Variants in ITK observed in about 807,000 individuals in gnomAD.
ITK encodes IL2 inducible T cell kinase.
Under a neutral mutation model 87.6 loss-of-function variants are expected in ITK, and 45 were observed. The observed-to-expected ratio is 0.51, with a 90% confidence interval of 0.40 to 0.66. The LOEUF (loss-of-function observed/expected upper bound fraction) is 0.66. Among genes scored for constraint, ITK ranks in the 30% least tolerant of loss-of-function variants. ITK has a pLI of 0.00. For missense variants in ITK, 605 were observed against 766.3 expected (o/e 0.79, Z 2.48); for synonymous variants, 303 against 273.6 (o/e 1.11, Z -1.06).
rs1032893140 is a variant in ITK, at chr5:157,190,003, G to A, written c.138+8888G>A. ...AGGCCTCACTAAAAGTGATCCTAAG[G>A]AGAAAACAGGTCTGTAATGCCTTCC... On this transcript the variant is annotated intron_variant, in intron 1 of 16. Coordinates refer to ENST00000422843, the MANE Select transcript of ITK (RefSeq NM_005546.4). Among the ~76,000 whole-genome samples the A allele has an allele frequency of 9.8e-5, 15 of 152,294 alleles. No individual in the cohort carries two copies. The South Asian group carries it at 2.1e-3, about 21-fold the overall frequency.
At chr5:157,219,182 G>T (rs952447680) in intron 5 of ITK, among the ~76,000 whole-genome samples, 1 of 148,788 alleles carries the variant, frequency 6.7e-6, no homozygotes, top group Non-Finnish European at 1.5e-5. Flanking sequence ...GCGTGATCTC[G>T]GCTCACTGCA....
intron 4 of ITK, 74 bp from the exon 5 acceptor site, chr5:157,217,793 C>A: frequency 1.5e-6 from 2 of 1,361,610 alleles, no homozygotes; most frequent in Non-Finnish European, 2.1e-6. Flanking sequence ...AGAAAAACCC[C>A]CTGGCTGCTC....
In ITK at chr5:157,211,330, G is replaced by A. The variant is rs751865122; in HGVS notation, c.287G>A (p.Arg96His). Residue 96 changes from arginine to histidine, a missense_variant, in exon 3 of 17, where the codon CGT becomes CAT. By Grantham distance (29) the Arg-to-His change is conservative. Coordinates refer to ENST00000422843, the MANE Select transcript of ITK (RefSeq NM_005546.4). ...CTCCTATATGTGTTTGCTCCAGATC[G>A]TGAGAGCCGGCAGCGCTGGGTGCTG... The part of the protein sequence containing the change: ...NYLLYVFAPD[R>H]ESRQRWVLAL... 27 of 1,613,974 alleles carry A rather than the reference G, an allele frequency of 1.7e-5. No homozygotes were observed. The highest frequency in any genetic ancestry group is 4.5e-5 in the East Asian group (2 of 44,898).
At chr5:157,243,876 G>T in intron 12 of ITK, 82 bp downstream of exon 12, 1 of 1,325,304 alleles carries the variant, frequency 7.5e-7, no homozygotes, top group African/African-American at 1.4e-5. Flanking sequence ...CAAACGCCAG[G>T]GGGTACTATC....
chr5:157,247,839 T>A (rs1363789771), intron 15 of ITK, among the ~76,000 whole-genome samples: 1 of 152,260 alleles, frequency 6.6e-6, no homozygotes, highest in Non-Finnish European at 1.5e-5. Flanking sequence ...AACCTCTTTG[T>A]ACTTTGCTCA....
At chr5:157,242,744 C>A (rs1231571647) in intron 11 of ITK, among the ~76,000 whole-genome samples, 3 of 152,224 alleles carry the variant, frequency 2.0e-5, no homozygotes, top group Non-Finnish European at 4.4e-5. Flanking sequence ...CAGGCATGAG[C>A]CACTGTGCCC....
chr5:157,207,263 C>G (rs1271667783), intron 1 of ITK, among the ~76,000 whole-genome samples: 1 of 151,602 alleles, frequency 6.6e-6, no homozygotes, highest in African/African-American at 2.4e-5. Flanking sequence ...TCCACCAACA[C>G]TGAGGGCAGA....
In ITK at chr5:157,238,720, T is replaced by C. The variant is rs367922805; in HGVS notation, c.851+529T>C. Among the ~76,000 whole-genome samples, 56 of 152,360 alleles carry C rather than the reference T, an allele frequency of 3.7e-4. 2 individuals are homozygous for C. The South Asian group carries it at 0.012, about 32-fold the overall frequency. Reference sequence around the variant, plus strand: ...TGGTGCCTCCCTATGGCCGTGGGTCTGAAGGGGCCAAGCCACATCCAGGCT... The same window carrying C: ...TGGTGCCTCCCTATGGCCGTGGGTCCGAAGGGGCCAAGCCACATCCAGGCT... On this transcript the variant is annotated intron_variant, in intron 9 of 16. Coordinates refer to ENST00000422843, the MANE Select transcript of ITK (RefSeq NM_005546.4).
chr5:157,240,451 G>A, intron 10 of ITK: 1 of 534,244 alleles, frequency 1.9e-6, no homozygotes, highest in Non-Finnish European at 3.4e-6. Context: ...TGGATAAACT[G>A]TCTTCCACAA....
At chr5:157,237,377 A>C (rs757782747) in intron 8 of ITK, among the ~76,000 whole-genome samples, 1 of 152,218 alleles carries the variant, frequency 6.6e-6, no homozygotes, top group African/African-American at 2.4e-5. Context: ...GGGGACTCCA[A>C]AAGTTGGAAG....
Position 157,199,043 on chromosome 5 carries a change from G to A in ITK, c.139-9846G>A, listed in dbSNP as rs34298379. ...GCCTCCCAAAGTGTTGGGATTATAG[G>A]CATGAGCCATTGCTACTAGCATTTG... On this transcript the variant is annotated intron_variant, in intron 1 of 16. Coordinates refer to ENST00000422843, the MANE Select transcript of ITK (RefSeq NM_005546.4). Among the ~76,000 whole-genome samples, 595 of 152,228 alleles carry A rather than the reference G, an allele frequency of 3.9e-3. 2 individuals carry two copies. Among genetic ancestry groups the A allele is most frequent in the Non-Finnish European group, 6.4e-3 (432 of 68,020 alleles).
chr5:157,201,202 C>T (rs1753965406), intron 1 of ITK, among the ~76,000 whole-genome samples: 2 of 150,598 alleles, frequency 1.3e-5, no homozygotes, highest in African/African-American at 4.9e-5. Context: ...TTGAGTCTTG[C>T]AAAAAGTCAT....
chr5:157,215,963 G>C (rs152116), intron 4 of ITK, among the ~76,000 whole-genome samples: 107,753 of 152,104 alleles, frequency 0.71, 38,720 homozygotes, highest in East Asian at 0.98. Context: ...AATGCCAGTG[G>C]GGGAGGACTG....
intron 13 of ITK, 35 bp from the exon 14 acceptor site, chr5:157,245,691 T>C (rs772816123): frequency 1.3e-6 from 2 of 1,586,100 alleles, no homozygotes; most frequent in Admixed American, 3.3e-5. Context: ...TCAACAGTTT[T>C]CCTCTCCGCC....
rs1299073725 is a variant in ITK, at chr5:157,227,092, T to C, written c.648-1204T>C. On this transcript the variant is annotated intron_variant, in intron 6 of 16. Coordinates refer to ENST00000422843, the MANE Select transcript of ITK (RefSeq NM_005546.4). ...ACCTCAGCCTCCCAAAGTACTAGGA[T>C]TACAGGTGTGAGCCACCACACCCAG... 2.0e-5 allele frequency among the ~76,000 whole-genome samples: 3 copies of C among 152,196 alleles called. No homozygotes were observed. The East Asian group carries it at 5.8e-4, about 29-fold the overall frequency.
rs946228995 is a variant in ITK, at chr5:157,194,579, C to T, written c.138+13464C>T. Among the ~76,000 whole-genome samples, 62 of 152,142 alleles carry T rather than the reference C, an allele frequency of 4.1e-4. 1 individual carries two copies. The highest frequency in any genetic ancestry group is 1.5e-5 in the Non-Finnish European group (1 of 68,016). ...GCTAATACCAAACCTCACCCTTTTC[C>T]ACAATCCATGCTGAGGCCATTTCCA... On this transcript the variant is annotated intron_variant, in intron 1 of 16. Transcript: ENST00000422843.
rs746957400 is a variant in ITK at position 157,253,363 on chromosome 5, G to C, written c.*685G>C. 7 of 233,262 alleles carry C rather than the reference G, an allele frequency of 3.0e-5. No homozygotes were observed. The highest frequency in any genetic ancestry group is 1.0e-4 in the Admixed American group (2 of 19,394). The allele number at this position is 233,262 out of a possible 1,614,324, so 14.4% of individuals were successfully genotyped here. ...TGGCGAGACCCATTGGATGGATTGGGGTGAACAGTTCAGGTCCCATGCTTG... is the reference window on the plus strand; with the variant it reads ...TGGCGAGACCCATTGGATGGATTGGCGTGAACAGTTCAGGTCCCATGCTTG... On this transcript the variant is annotated 3_prime_UTR_variant, in exon 17 of 17. Coordinates refer to ENST00000422843, the MANE Select transcript of ITK (RefSeq NM_005546.4).
chr5:157,215,299 G>T (rs78896267), intron 4 of ITK, among the ~76,000 whole-genome samples: 4 of 151,962 alleles, frequency 2.6e-5, no homozygotes, highest in Non-Finnish European at 5.9e-5. Flanking sequence ...TCTTTTGTGC[G>T]CTAAAACTTA....
At chr5:157,228,409 C>A (rs986888815) in intron 7 of ITK, 48 bp downstream of exon 7, 4 of 1,106,466 alleles carry the variant, frequency 3.6e-6, no homozygotes, top group Non-Finnish European at 5.6e-6. Flanking sequence ...AAGGAATCCT[C>A]CTTAAGTTAG....
Sources: allele counts gnomAD v4.1 joint callset (sites outside exome capture counted in the v4.1 genomes callset), GRCh38; gene constraint gnomAD v4.1.1; transcripts MANE v1.5; gene names NCBI Gene and HGNC (gene_info 2026-07-23, HGNC 2026-07-21).